The following CSTA variants were observed in gnomAD, a reference collection of about 807,000 sequenced individuals.
CSTA encodes the protein cystatin A.
In CSTA, 9 loss-of-function variants were observed where a neutral mutation model predicts 9.2. That is an observed-to-expected ratio of 0.97 (90% CI 0.59 to 1.70). CSTA has a LOEUF of 1.70. Ranked by LOEUF, CSTA falls within the 40% of genes most tolerant of loss-of-function variation. The pLI is 0.00. For missense variants in CSTA, 118 were observed against 113.1 expected (o/e 1.04, Z -0.20); for synonymous variants, 36 against 40.6 (o/e 0.89, Z 0.43).
chr3:122,334,685 G>C (rs145623937), intron 1 of CSTA, among the ~76,000 whole-genome samples: 1 of 152,124 alleles, frequency 6.6e-6, no homozygotes, highest in Non-Finnish European at 1.5e-5. Flanking sequence ...AAAGAATTGG[G>C]GTTGAAGGAC....
rs370215343 is a variant in CSTA, at chr3:122,341,561, C to A, written c.291C>A (p.Gly97=). The A allele has an allele frequency of 1.9e-6, 3 of 1,614,018 alleles. No homozygotes were observed. In the African/African-American group the frequency reaches 4.0e-5, roughly 22 times the overall value. ...AAAACAAGGATGACGAGCTGACGGG[C>A]TTTTAGCAGCATGTACCCAAAGTGT... ...VDKNKDDELT[G]F The change falls in exon 3 of 3, where the codon GGC becomes GGA. Residue 97 remains glycine (G), a synonymous_variant. Transcript: ENST00000264474.
At chr3:122,331,271 A>C (rs2107666056) in intron 1 of CSTA, among the ~76,000 whole-genome samples, 1 of 152,212 alleles carries the variant, frequency 6.6e-6, no homozygotes, top group African/African-American at 2.4e-5. Context: ...CCTGGAACTT[A>C]GCATGTCATG....
intron 1 of CSTA, among the ~76,000 whole-genome samples, chr3:122,335,083 G>C (rs2075228830): frequency 6.6e-6 from 1 of 152,218 alleles, no homozygotes. Flanking sequence ...ATCAGGCCCA[G>C]CTGAGAGTGG....
At chr3:122,330,780 T>C (rs1322251386) in intron 1 of CSTA, among the ~76,000 whole-genome samples, 1 of 152,130 alleles carries the variant, frequency 6.6e-6, no homozygotes, top group Non-Finnish European at 1.5e-5. Context: ...TGAATTGCTA[T>C]GGGGGTAGCA....
chr3:122,337,115 A>T (rs1281772452), intron 1 of CSTA, among the ~76,000 whole-genome samples: 2 of 152,206 alleles, frequency 1.3e-5, no homozygotes, highest in Non-Finnish European at 2.9e-5. Flanking sequence ...TTTGGTGATT[A>T]TACTATGTTA....
chr3:122,331,412 C>T (rs1161232927), intron 1 of CSTA, among the ~76,000 whole-genome samples: 2 of 152,164 alleles, frequency 1.3e-5, no homozygotes, highest in South Asian at 4.1e-4. Flanking sequence ...CACCTACCTT[C>T]CCAACTTCAT....
intron 1 of CSTA, 39 bp downstream of exon 1, chr3:122,325,397 T>C (rs1403852270): frequency 2.5e-5 from 39 of 1,589,282 alleles, no homozygotes; most frequent in Non-Finnish European, 3.4e-5. Flanking sequence ...TGAGCCAAAA[T>C]CTTGATTCAT....
chr3:122,339,360 T>C (rs2075252556), intron 2 of CSTA, among the ~76,000 whole-genome samples: 1 of 152,232 alleles, frequency 6.6e-6, no homozygotes, highest in Non-Finnish European at 1.5e-5. Flanking sequence ...CTTATCTCAT[T>C]TAATCCTCAC....
At chr3:122,335,613 ATTAT>A (rs147927095) in intron 1 of CSTA, among the ~76,000 whole-genome samples, 18,923 of 150,626 alleles carry the variant, frequency 0.13, 1,473 homozygotes, top group Middle Eastern at 0.26. Flanking sequence ...GATTTATTTT[ATTAT>A]TTATTTATTT....
intron 1 of CSTA, among the ~76,000 whole-genome samples, chr3:122,327,528 CAAAAAAAAA>C (rs59568582): frequency 2.3e-5 from 1 of 44,108 alleles, no homozygotes; most frequent in Non-Finnish European, 4.2e-5. Flanking sequence ...GACTCCGTCT[CAAAAAAAAA>C]AAAAAAAAAA....
intron 1 of CSTA, among the ~76,000 whole-genome samples, chr3:122,332,360 T>C (rs956815154): frequency 3.3e-5 from 5 of 152,196 alleles, no homozygotes; most frequent in Non-Finnish European, 7.4e-5. Context: ...AGACAATAAA[T>C]GTCCACAAGT....
intron 1 of CSTA, among the ~76,000 whole-genome samples, chr3:122,331,227 C>G (rs890163572): frequency 1.3e-5 from 2 of 152,020 alleles, no homozygotes; most frequent in Non-Finnish European, 2.9e-5. Flanking sequence ...GGACACCGCA[C>G]AAACACTTCA....
chr3:122,325,973 T>G (rs1274010846), intron 1 of CSTA, among the ~76,000 whole-genome samples: 2 of 152,158 alleles, frequency 1.3e-5, no homozygotes, highest in Non-Finnish European at 2.9e-5. Context: ...TAGAACTCAA[T>G]GTTGTTAGCA....
chr3:122,333,078 G>T (rs144380828), intron 1 of CSTA, among the ~76,000 whole-genome samples: 44 of 152,322 alleles, frequency 2.9e-4, no homozygotes, highest in African/African-American at 9.9e-4. Context: ...AAGGTCCACA[G>T]TCTGACAGGT....
chr3:122,333,759 G>C lies in CSTA; in HGVS notation c.67-3788G>C, dbSNP rs556508802. On this transcript the variant is annotated intron_variant, in intron 1 of 2. Coordinates refer to ENST00000264474, the MANE Select transcript of CSTA (RefSeq NM_005213.4). ...GAGAAAGAAAGAAAAGAAAAGAAAGGCTGGTTGGCTTAGGATACGTGCTTA... is the reference window on the plus strand; with the variant it reads ...GAGAAAGAAAGAAAAGAAAAGAAAGCCTGGTTGGCTTAGGATACGTGCTTA... Among the ~76,000 whole-genome samples the C allele has an allele frequency of 3.3e-5, 5 of 151,906 alleles. No individual in the cohort carries two copies. The South Asian group carries it at 1.0e-3, about 32-fold the overall frequency.
chr3:122,329,735 G>A (rs2107665587), intron 1 of CSTA, among the ~76,000 whole-genome samples: 1 of 152,110 alleles, frequency 6.6e-6, no homozygotes, highest in East Asian at 1.9e-4. Context: ...CAGGGTAGTT[G>A]GGAAAATCGA....
intron 1 of CSTA, among the ~76,000 whole-genome samples, chr3:122,333,191 T>G (rs1163243393): frequency 6.6e-6 from 1 of 152,148 alleles, no homozygotes; most frequent in Non-Finnish European, 1.5e-5. Context: ...GTTAAAGATT[T>G]GGATATATTT....
chr3:122,334,547 A>C (rs1040744922), intron 1 of CSTA, among the ~76,000 whole-genome samples: 4 of 152,204 alleles, frequency 2.6e-5, no homozygotes, highest in African/African-American at 4.8e-5. Flanking sequence ...AGAATCCTAG[A>C]TGGACTGGAG....
chr3:122,329,264 C>G (rs918929891), intron 1 of CSTA, among the ~76,000 whole-genome samples: 1 of 151,664 alleles, frequency 6.6e-6, no homozygotes, highest in South Asian at 2.1e-4. Context: ...CCGCGCCCAG[C>G]CAAAATAAAA....
Sources: gnomAD v4.1 joint callset for allele counts (sites outside exome capture counted in the v4.1 genomes callset) on GRCh38, gnomAD v4.1.1 for gene constraint, MANE v1.5 for transcripts, NCBI Gene and HGNC (gene_info 2026-07-23, HGNC 2026-07-21) for gene names.